Variants in XKR6 observed in about 807,000 individuals in gnomAD.
XKR6 encodes XK related 6, also known as XK-related protein 6.
XKR6 carries 22 observed loss-of-function variants against 56.7 expected under a neutral mutation model. The observed-to-expected ratio is 0.39, with a 90% CI of 0.28 to 0.55. The LOEUF (loss-of-function observed/expected upper bound fraction) is 0.55, where lower values mean the gene tolerates loss of function less well. Ranked by LOEUF, XKR6 falls within the 20% of genes least tolerant of loss-of-function variation. The pLI, the probability that XKR6 is intolerant of heterozygous loss-of-function variation, is 0.66. For missense variants in XKR6, 852 were observed against 889.0 expected, an observed-to-expected ratio of 0.96 and a Z score of 0.53; for synonymous variants, 524 against 387.8, an observed-to-expected ratio of 1.35 and a Z score of -4.13.
rs7822815 is a variant in XKR6 at position 11,018,037 on chromosome 8, G to A, written c.765-93207C>T. ...GGTGCACAACCCCGGTCCTCTGGGCGTGGACTTCAAACCTATACACATGTG... is the reference window on the plus strand; with the variant it reads ...GGTGCACAACCCCGGTCCTCTGGGCATGGACTTCAAACCTATACACATGTG... On this transcript the variant is annotated intron_variant, in intron 1 of 2. Transcript: ENST00000416569. Among the ~76,000 whole-genome samples the A allele has an allele frequency of 5.3e-3, 802 of 152,252 alleles. 10 individuals carry two copies. Among genetic ancestry groups the A allele is most frequent in the African/African-American group, 0.018 (736 of 41,544 alleles).
At chr8:10,928,521 C>T (rs762957492) in intron 1 of XKR6, among the ~76,000 whole-genome samples, 1 of 152,232 alleles carries the variant, frequency 6.6e-6, no homozygotes, top group Non-Finnish European at 1.5e-5. Context: ...ATCCGGAGCT[C>T]CTGGGTGACC....
At chr8:10,903,688 G>C (rs762273248) in intron 2 of XKR6, among the ~76,000 whole-genome samples, 1 of 152,098 alleles carries the variant, frequency 6.6e-6, no homozygotes, top group Non-Finnish European at 1.5e-5. Flanking sequence ...CACACACAGG[G>C]GGATGACCAC....
intron 1 of XKR6, among the ~76,000 whole-genome samples, chr8:11,117,837 G>A (rs188199480): frequency 6.6e-6 from 1 of 152,156 alleles, no homozygotes; most frequent in African/African-American, 2.4e-5. Flanking sequence ...CATGAAAACT[G>A]TGCAACAATT....
chr8:10,965,637 C>T (rs1802198376), intron 1 of XKR6, among the ~76,000 whole-genome samples: 1 of 152,236 alleles, frequency 6.6e-6, no homozygotes, highest in African/African-American at 2.4e-5. Context: ...TCGCTTGAGA[C>T]TTGGGAGAAT....
intron 1 of XKR6, among the ~76,000 whole-genome samples, chr8:11,095,089 T>A (rs1218391044): frequency 6.6e-6 from 1 of 152,150 alleles, no homozygotes; most frequent in African/African-American, 2.4e-5. Flanking sequence ...CAAATTTCCT[T>A]ATAAAATCTT....
intron 1 of XKR6, among the ~76,000 whole-genome samples, chr8:11,116,609 G>A (rs894278177): frequency 5.9e-5 from 9 of 152,114 alleles, no homozygotes; most frequent in East Asian, 1.9e-4. Flanking sequence ...GACCACAGGT[G>A]ATCCACCTGT....
intron 1 of XKR6, among the ~76,000 whole-genome samples, chr8:11,091,277 A>T (rs1275977042): frequency 6.6e-6 from 1 of 152,046 alleles, no homozygotes; most frequent in African/African-American, 2.4e-5. Flanking sequence ...CAAAAAACAA[A>T]TTATTTATAA....
chr8:11,079,054 C>A (rs1031893267), intron 1 of XKR6, among the ~76,000 whole-genome samples: 9 of 152,264 alleles, frequency 5.9e-5, no homozygotes, highest in Non-Finnish European at 1.2e-4. Flanking sequence ...CCCAACCCTT[C>A]TGCAACCTGA....
At chr8:11,198,521 A>G (rs1329811169) in intron 1 of XKR6, among the ~76,000 whole-genome samples, 3 of 152,134 alleles carry the variant, frequency 2.0e-5, no homozygotes, top group African/African-American at 7.2e-5. Flanking sequence ...GATCAGAAAA[A>G]AAAAAAATAC....
chr8:11,184,491 T>C (rs1200378823), intron 1 of XKR6, among the ~76,000 whole-genome samples: 1 of 151,946 alleles, frequency 6.6e-6, no homozygotes, highest in East Asian at 1.9e-4. Context: ...AACTTAACAC[T>C]TGGAACTAAC....
chr8:11,190,344 A>G (rs560167067), intron 1 of XKR6, among the ~76,000 whole-genome samples: 1 of 152,292 alleles, frequency 6.6e-6, no homozygotes, highest in East Asian at 1.9e-4. Flanking sequence ...GCTGTTCTCA[A>G]TGTTTCCAAC....
At chr8:11,065,416 C>A (rs1236501355) in intron 1 of XKR6, among the ~76,000 whole-genome samples, 2 of 152,190 alleles carry the variant, frequency 1.3e-5, no homozygotes, top group Admixed American at 1.3e-4. Context: ...CGTCATATGA[C>A]CCAGCTCTCT....
intron 1 of XKR6, among the ~76,000 whole-genome samples, chr8:11,041,068 A>T (rs1799274470): frequency 6.6e-6 from 1 of 152,144 alleles, no homozygotes; most frequent in African/African-American, 2.4e-5. Flanking sequence ...CCTCTCAAAC[A>T]GCATTGGTGG....
At chr8:11,111,670 G>A (rs1369562015) in intron 1 of XKR6, 2 of 152,118 alleles carry the variant, frequency 1.3e-5, no homozygotes, top group African/African-American at 4.8e-5. Flanking sequence ...TCCAAAGCAT[G>A]ACACTAATAC....
intron 1 of XKR6, chr8:11,035,433 C>G (rs554454204): frequency 5.1e-4 from 242 of 475,016 alleles, no homozygotes; most frequent in Non-Finnish European, 9.1e-4. Flanking sequence ...AAGGCCAAAT[C>G]TCTGCACCCA....
At chr8:11,104,072 G>C (rs1192906307) in intron 1 of XKR6, among the ~76,000 whole-genome samples, 1 of 152,198 alleles carries the variant, frequency 6.6e-6, no homozygotes, top group Non-Finnish European at 1.5e-5. Flanking sequence ...AATACAGAAA[G>C]CAGGTGTCTG....
intron 1 of XKR6, among the ~76,000 whole-genome samples, chr8:10,945,604 G>T (rs558629702): frequency 3.9e-5 from 6 of 152,156 alleles, no homozygotes; most frequent in Admixed American, 3.3e-4. Flanking sequence ...CAAGGTTTTG[G>T]TTTTTTGTTT....
At chr8:11,131,071 T>C (rs139677759) in intron 1 of XKR6, among the ~76,000 whole-genome samples, 211 of 152,264 alleles carry the variant, frequency 1.4e-3, no homozygotes, top group African/African-American at 4.9e-3. Context: ...ATTTCTCTTC[T>C]AGCTGTGGAT....
Position 11,189,185 on chromosome 8 carries a change from A to G in XKR6, c.764+11391T>C, listed in dbSNP as rs138830886. On this transcript the variant is annotated intron_variant, in intron 1 of 2. Coordinates refer to ENST00000416569, the MANE Select transcript of XKR6 (RefSeq NM_173683.4). ...TCTTATCCTTGGCACTGATTACAAC[A>G]AATATAACATTTCTGAATTTGAGAC... is the stretch of plus-strand genomic sequence containing the variant. Among the ~76,000 whole-genome samples the G allele has an allele frequency of 7.3e-3, 1,106 of 152,310 alleles. 14 individuals are homozygous for G. Among genetic ancestry groups the G allele is most frequent in the African/African-American group, 0.025 (1,035 of 41,532 alleles).
Sources: allele counts gnomAD v4.1 joint callset (sites outside exome capture counted in the v4.1 genomes callset), GRCh38; gene constraint gnomAD v4.1.1; transcripts MANE v1.5; gene names NCBI Gene and HGNC (gene_info 2026-07-23, HGNC 2026-07-21).